ATP1A3: variants seen among roughly 807,000 people sequenced by gnomAD.
ATP1A3 encodes the protein ATPase Na+/K+ transporting subunit alpha 3.
ATP1A3 carries 12 observed loss-of-function variants against 108.8 expected under a neutral mutation model. The ratio of observed to expected loss-of-function variants is 0.11; its 90% confidence interval spans 0.07 to 0.18. The LOEUF (loss-of-function observed/expected upper bound fraction) is 0.18, where lower values mean the gene tolerates loss of function less well. Ranked by LOEUF, ATP1A3 falls within the 10% of genes least tolerant of loss-of-function variation. The pLI, the probability that ATP1A3 is intolerant of heterozygous loss-of-function variation, is 1.00. For missense variants in ATP1A3, 498 were observed against 1,387.7 expected (o/e 0.36, Z 10.19); for synonymous variants, 539 against 564.5 (o/e 0.95, Z 0.64).
At position 41,994,105 on chromosome 19, in the gene ATP1A3, G is replaced by A; in HGVS notation, c.-29C>T. ...GGCGGCTCCGCGGCGAGAGAGCCAGGCGGGCGGGGCGGGGACCTCGGGGCG... is the reference window on the plus strand; with the variant it reads ...GGCGGCTCCGCGGCGAGAGAGCCAGACGGGCGGGGCGGGGACCTCGGGGCG... On this transcript the variant is annotated 5_prime_UTR_variant, in exon 1 of 23. Coordinates refer to ENST00000648268, the MANE Select transcript of ATP1A3 (RefSeq NM_152296.5). The A allele has an allele frequency of 6.4e-7, 1 of 1,572,302 alleles. No individual in the cohort carries two copies.
In ATP1A3 at chr19:41,966,851, C is replaced by A. The variant is rs1555858645; in HGVS notation, c.*86G>T. On this transcript the variant is annotated 3_prime_UTR_variant, in exon 23 of 23. Transcript: ENST00000648268. ...GCCACAGGAAGAGAGGGCTCCTCCCCCCAGAATACAAAATTGGGGGGACTG... is the reference window on the plus strand; with the variant it reads ...GCCACAGGAAGAGAGGGCTCCTCCCACCAGAATACAAAATTGGGGGGACTG... 1.9e-6 allele frequency: 3 copies of A among 1,548,820 alleles called. No homozygotes were observed. Among genetic ancestry groups the A allele is most frequent in the Admixed American group, 2.0e-5 (1 of 50,922 alleles).
intron 16 of ATP1A3, among the ~76,000 whole-genome samples, chr19:41,971,449 C>G (rs1435974686): frequency 6.6e-6 from 1 of 152,122 alleles, no homozygotes; most frequent in Non-Finnish European, 1.5e-5. Flanking sequence ...AAAGCAAGTA[C>G]GAGAATGTTC....
chr19:41,972,534 A>G (rs560555554), intron 16 of ATP1A3, among the ~76,000 whole-genome samples: 3 of 152,164 alleles, frequency 2.0e-5, no homozygotes, highest in Admixed American at 6.6e-5. Context: ...TGGGAGGCTG[A>G]GGCGGGTGGA....
At chr19:41,974,180 G>A (rs889257393) in intron 16 of ATP1A3, among the ~76,000 whole-genome samples, 10 of 152,036 alleles carry the variant, frequency 6.6e-5, no homozygotes, top group Non-Finnish European at 1.2e-4. Flanking sequence ...ACAGTAAGCC[G>A]AGATTGCATG....
chr19:41,969,337 A>G lies in ATP1A3; in HGVS notation c.2688+98T>C, dbSNP rs2069772722. On this transcript the variant is annotated intron_variant, in intron 19 of 22. Transcript: ENST00000648268. The stretch of plus-strand genomic sequence containing the variant: ...AAAGGCCTTGATGCTGCCATGGGAG[A>G]CTGAGGGGGCCATCGTAGGAAGTGG... 4 of 1,588,578 alleles carry G rather than the reference A, an allele frequency of 2.5e-6. No homozygotes were observed. The African/African-American group carries it at 5.4e-5, about 21-fold the overall frequency.
chr19:41,970,626 CTTTTTTTTTTTTTT>C (rs1168002399), intron 16 of ATP1A3, 84 bp from the exon 17 acceptor site: 4 of 771,300 alleles, frequency 5.2e-6, no homozygotes, highest in Non-Finnish European at 7.3e-6. Flanking sequence ...ATCCAACGTC[CTTTTTTTTTTTTTT>C]TTTTTTTTTG....
intron 1 of ATP1A3, among the ~76,000 whole-genome samples, chr19:41,992,334 A>ATGGGCGCGCTGCGGGG (rs1273084507): frequency 1.3e-5 from 2 of 152,096 alleles, no homozygotes; most frequent in East Asian, 3.9e-4. Context: ...GGAGGCCCAG[A>ATGGGCGCGCTGCGGGG]TGGGCGCGCT....
At chr19:41,972,525 G>A (rs542263025) in intron 16 of ATP1A3, among the ~76,000 whole-genome samples, 4 of 152,168 alleles carry the variant, frequency 2.6e-5, no homozygotes, top group African/African-American at 9.6e-5. Flanking sequence ...CCAGCACTTT[G>A]GGAGGCTGAG....
intron 18 of ATP1A3, among the ~76,000 whole-genome samples, chr19:41,969,834 C>T (rs1599705543): frequency 6.6e-6 from 1 of 152,328 alleles, no homozygotes; most frequent in East Asian, 1.9e-4. Context: ...CCCTCTCTCA[C>T]CTGACCTAGG....
At chr19:41,979,652 C>T (rs1017216170) in intron 11 of ATP1A3, among the ~76,000 whole-genome samples, 6 of 152,058 alleles carry the variant, frequency 3.9e-5, no homozygotes, top group Non-Finnish European at 7.4e-5. Context: ...CAAAACCATA[C>T]GGACAGAAAG....
chr19:41,993,626 C>T (rs2075361093), intron 1 of ATP1A3: 4 of 755,278 alleles, frequency 5.3e-6, no homozygotes, highest in South Asian at 3.8e-5. Flanking sequence ...TGGACCTATC[C>T]GCACCCTGCC....
rs372457607 is a variant in ATP1A3 at position 41,970,562 on chromosome 19, A to T, written c.2264-20T>A. The T allele has an allele frequency of 3.1e-6, 5 of 1,612,416 alleles. No individual in the cohort carries two copies. In the African/African-American group the frequency reaches 6.7e-5, roughly 22 times the overall value. On this transcript the variant is annotated intron_variant, in intron 16 of 22. Coordinates refer to ENST00000648268, the MANE Select transcript of ATP1A3 (RefSeq NM_152296.5). Reference sequence around the variant, plus strand: ...GGCGGCCTGTGGCACAGGCAGGCTCAGAGCAGGCGCCCATGCCAGGGAGCC... The same window carrying T: ...GGCGGCCTGTGGCACAGGCAGGCTCTGAGCAGGCGCCCATGCCAGGGAGCC...
chr19:41,976,601 G>A, intron 14 of ATP1A3, 35 bp from the exon 15 acceptor site: 1 of 1,612,724 alleles, frequency 6.2e-7, no homozygotes, highest in Non-Finnish European at 8.5e-7. Flanking sequence ...GCTGAGGTCA[G>A]GGTGTGTGAG....
chr19:41,980,120 G>A (rs1417117714), intron 11 of ATP1A3, among the ~76,000 whole-genome samples: 2 of 152,238 alleles, frequency 1.3e-5, no homozygotes, highest in Admixed American at 6.5e-5. Flanking sequence ...CTACCGGAGC[G>A]CTCTTCCCCC....
At chr19:41,980,468 G>T (rs2145969382) in intron 11 of ATP1A3, among the ~76,000 whole-genome samples, 1 of 152,110 alleles carries the variant, frequency 6.6e-6, no homozygotes, top group African/African-American at 2.4e-5. Context: ...ACAAAAACTA[G>T]CTGGGTGTGG....
chr19:41,967,468 G>A lies in ATP1A3; in HGVS notation c.2922-128C>T. The A allele has an allele frequency of 8.1e-7, 1 of 1,240,338 alleles. No individual in the cohort carries two copies. The highest frequency in any genetic ancestry group is 1.1e-6 in the Non-Finnish European group (1 of 890,112). The allele number at this position is 1,240,338 out of a possible 1,614,324, so 76.8% of individuals were successfully genotyped here. A position where few individuals can be genotyped will look rare whatever the true frequency, so the allele number is the denominator to read the frequency against. On this transcript the variant is annotated intron_variant, in intron 21 of 22. Transcript: ENST00000648268. The surrounding 1 kb of genome is among the most constrained non-coding windows in gnomAD (Gnocchi z 4.2). ...CGTGCTCACAGGTGGAGGGTGCCCTGGGCGGGGCTGGGGCCTGGGGTCTTC... is the reference window on the plus strand; with the variant it reads ...CGTGCTCACAGGTGGAGGGTGCCCTAGGCGGGGCTGGGGCCTGGGGTCTTC...
chr19:41,978,528 G>T lies in ATP1A3; in HGVS notation c.1630+78C>A. On this transcript the variant is annotated intron_variant, in intron 12 of 22. Transcript: ENST00000648268. The surrounding 1 kb of genome is among the most constrained non-coding windows in gnomAD (Gnocchi z 8.3). ...TTACAGTATATTCTGGGAGGCCCTG[G>T]GCTGAGACAGGCTTTGGGCAGCATC... The T allele has an allele frequency of 6.3e-7, 1 of 1,584,192 alleles. No individual in the cohort carries two copies. Among genetic ancestry groups the T allele is most frequent in the Non-Finnish European group, 8.6e-7 (1 of 1,162,308 alleles).
chr19:41,972,865 G>GGAAGGAAGGAAA (rs2075126920), intron 16 of ATP1A3, among the ~76,000 whole-genome samples: 3 of 115,640 alleles, frequency 2.6e-5, no homozygotes, highest in African/African-American at 9.2e-5. Flanking sequence ...AAGGAAAGAA[G>GGAAGGAAGGAAA]GAAGGAAGGC....
At chr19:41,992,843 C>T (rs929994814) in intron 1 of ATP1A3, 1 of 153,890 alleles carries the variant, frequency 6.5e-6, no homozygotes, top group African/African-American at 2.4e-5. Context: ...CTAAGACCAC[C>T]TCCCTCTAAC....
Sources: allele counts gnomAD v4.1 joint callset (sites outside exome capture counted in the v4.1 genomes callset), GRCh38; gene constraint gnomAD v4.1.1; non-coding constraint Gnocchi (gnomAD v3.1); transcripts MANE v1.5; gene names NCBI Gene and HGNC (gene_info 2026-07-23, HGNC 2026-07-21).